The following GABRB1 variants were observed in gnomAD, a reference collection of about 807,000 sequenced individuals.
GABRB1 encodes gamma-aminobutyric acid type A receptor subunit beta1.
A neutral mutation model predicts 51.6 loss-of-function variants in GABRB1; 17 were observed. The ratio of observed to expected loss-of-function variants is 0.33; its 90% CI spans 0.23 to 0.49. The LOEUF (loss-of-function observed/expected upper bound fraction) is 0.49, where lower values mean the gene tolerates loss of function less well. Ranked by LOEUF, GABRB1 falls within the 20% of genes least tolerant of loss-of-function variation. The pLI is 0.99. For synonymous variants in GABRB1, 247 were observed against 218.9 expected, an observed-to-expected ratio of 1.13 and a Z score of -1.14; for missense variants, 410 against 600.6, an observed-to-expected ratio of 0.68 and a Z score of 3.32.
At chr4:47,245,833 T>A (rs1721716748) in intron 4 of GABRB1, among the ~76,000 whole-genome samples, 1 of 151,542 alleles carries the variant, frequency 6.6e-6, no homozygotes, top group Non-Finnish European at 1.5e-5. Context: ...CTTTCTTTTT[T>A]TTTTTTTTTA....
At chr4:47,147,827 A>G (rs1560558030) in intron 3 of GABRB1, among the ~76,000 whole-genome samples, 1 of 152,108 alleles carries the variant, frequency 6.6e-6, no homozygotes, top group South Asian at 2.1e-4. Flanking sequence ...GTGGCTGGAT[A>G]ATAGAGTAAA....
intron 5 of GABRB1, among the ~76,000 whole-genome samples, chr4:47,389,701 C>T (rs1727920975): frequency 6.6e-6 from 1 of 152,138 alleles, no homozygotes; most frequent in African/African-American, 2.4e-5. Flanking sequence ...AATTGTTATG[C>T]ACATCTGGAG....
intron 1 of GABRB1, among the ~76,000 whole-genome samples, chr4:47,011,703 C>T (rs1381200152): frequency 6.6e-6 from 1 of 152,044 alleles, no homozygotes; most frequent in Non-Finnish European, 1.5e-5. Flanking sequence ...TATTCATATT[C>T]TCTGAGTAAA....
intron 5 of GABRB1, among the ~76,000 whole-genome samples, chr4:47,389,309 C>A (rs1244229385): frequency 6.6e-6 from 1 of 152,150 alleles, no homozygotes; most frequent in Non-Finnish European, 1.5e-5. Flanking sequence ...TATGGGCTGA[C>A]CCTTCCTCTG....
At chr4:47,383,047 A>G (rs1008705740) in intron 5 of GABRB1, among the ~76,000 whole-genome samples, 1 of 152,240 alleles carries the variant, frequency 6.6e-6, no homozygotes, top group Admixed American at 6.5e-5. Context: ...CAGATAAGCT[A>G]TAGATACAAA....
chr4:47,217,766 C>T (rs1010223283), intron 4 of GABRB1, among the ~76,000 whole-genome samples: 5 of 151,634 alleles, frequency 3.3e-5, no homozygotes, highest in Non-Finnish European at 7.4e-5. Flanking sequence ...TACAAGCACA[C>T]AATGTGAAAT....
chr4:47,222,546 T>G (rs1720804837), intron 4 of GABRB1, among the ~76,000 whole-genome samples: 1 of 152,130 alleles, frequency 6.6e-6, no homozygotes, highest in African/African-American at 2.4e-5. Flanking sequence ...AATATAGGGT[T>G]AAAGAGGCAC....
intron 3 of GABRB1, among the ~76,000 whole-genome samples, chr4:47,040,566 T>A (rs1725796678): frequency 6.6e-6 from 1 of 152,130 alleles, no homozygotes; most frequent in South Asian, 2.1e-4. Flanking sequence ...CCACACCATC[T>A]CTTTCACTGC....
At chr4:47,145,361 C>T (rs764163199) in intron 3 of GABRB1, among the ~76,000 whole-genome samples, 8 of 151,976 alleles carry the variant, frequency 5.3e-5, no homozygotes, top group African/African-American at 1.2e-4. Flanking sequence ...CCACACTAAA[C>T]TATAGGATCA....
chr4:47,031,530 T>C (rs1725295254), upstream of GABRB1: 1 of 769,982 alleles, frequency 1.3e-6, no homozygotes, highest in Non-Finnish European at 2.3e-6. Context: ...ACAAGGTGTC[T>C]TTTGGTAGTG....
chr4:47,380,668 C>T (rs1226052685), intron 5 of GABRB1, among the ~76,000 whole-genome samples: 1 of 152,150 alleles, frequency 6.6e-6, no homozygotes, highest in East Asian at 1.9e-4. Flanking sequence ...CCTCTTAAAA[C>T]CCTAGATATA....
intron 4 of GABRB1, among the ~76,000 whole-genome samples, chr4:47,262,500 T>A (rs1171964121): frequency 1.3e-5 from 2 of 152,112 alleles, no homozygotes; most frequent in Admixed American, 6.5e-5. Context: ...TGAGACACCA[T>A]CTCACACCAG....
At chr4:47,159,359 C>CA (rs1232138805) in intron 3 of GABRB1, among the ~76,000 whole-genome samples, 1 of 152,068 alleles carries the variant, frequency 6.6e-6, no homozygotes, top group Non-Finnish European at 1.5e-5. Flanking sequence ...ATTAGGCTTA[C>CA]ATGTGGTAGA....
chr4:46,996,291 T>A (rs1723995668), intron 1 of GABRB1, among the ~76,000 whole-genome samples: 1 of 152,154 alleles, frequency 6.6e-6, no homozygotes, highest in South Asian at 2.1e-4. Flanking sequence ...AGCCTCTGAT[T>A]ACTAGGTTTA....
chr4:47,094,908 T>G (rs999878932), intron 3 of GABRB1, among the ~76,000 whole-genome samples: 1 of 152,060 alleles, frequency 6.6e-6, no homozygotes, highest in African/African-American at 2.4e-5. Flanking sequence ...TCTTCTTGAG[T>G]GGGCCTGTTG....
At chr4:47,010,092 A>T (rs970268731) in intron 1 of GABRB1, among the ~76,000 whole-genome samples, 3 of 152,188 alleles carry the variant, frequency 2.0e-5, no homozygotes, top group African/African-American at 7.2e-5. Context: ...TTTGCTGCAG[A>T]TTCTCAGCCA....
rs76554704 is a variant in GABRB1 at position 47,349,042 on chromosome 4, A to G, written c.544+28833A>G. Among the ~76,000 whole-genome samples, 13 of 152,326 alleles carry G rather than the reference A, an allele frequency of 8.5e-5. No homozygotes were observed. The East Asian group carries it at 1.9e-3, about 23-fold the overall frequency. On this transcript the variant is annotated intron_variant, in intron 5 of 8. Coordinates refer to ENST00000295454, the MANE Select transcript of GABRB1 (RefSeq NM_000812.4). ...TAAACACGGATGCCATCTACCAAAA[A>G]GGAGAATACCGGGAATGTTTTAGAT...
At chr4:47,333,835 T>A (rs1485348987) in intron 5 of GABRB1, among the ~76,000 whole-genome samples, 1 of 152,226 alleles carries the variant, frequency 6.6e-6, no homozygotes, top group Non-Finnish European at 1.5e-5. Context: ...CCCACCACAC[T>A]GTGCCCTATA....
chr4:47,314,842 C>G (rs1724829170), intron 4 of GABRB1, among the ~76,000 whole-genome samples: 1 of 151,862 alleles, frequency 6.6e-6, no homozygotes, highest in African/African-American at 2.4e-5. Context: ...CACATCTTTT[C>G]TAGAATCATG....
Sources: allele counts gnomAD v4.1 joint callset (sites outside exome capture counted in the v4.1 genomes callset), GRCh38; gene constraint gnomAD v4.1.1; transcripts MANE v1.5; gene names NCBI Gene and HGNC (gene_info 2026-07-23, HGNC 2026-07-21).